The following XIRP2 variants were observed in gnomAD, a reference collection of about 807,000 sequenced individuals.
XIRP2 encodes xin actin binding repeat containing 2.
A neutral mutation model predicts 277.0 loss-of-function variants in XIRP2; 236 were observed. The observed-to-expected ratio is 0.85, with a 90% confidence interval of 0.77 to 0.95. The LOEUF (loss-of-function observed/expected upper bound fraction) is 0.95. Ranked by LOEUF, XIRP2 falls within the 40% of genes least tolerant of loss-of-function variation. The pLI, the probability that XIRP2 is intolerant of heterozygous loss-of-function variation, is 0.00. For missense variants in XIRP2, 4,640 were observed against 4,157.5 expected, an observed-to-expected ratio of 1.12 and a Z score of -3.19; for synonymous variants, 1,490 against 1,416.5, an observed-to-expected ratio of 1.05 and a Z score of -1.17.
chr2:166,975,310 T>C (rs1427596786), intron 2 of XIRP2, among the ~76,000 whole-genome samples: 1 of 152,140 alleles, frequency 6.6e-6, no homozygotes, highest in African/African-American at 2.4e-5. Flanking sequence ...TAATTGACAT[T>C]TGTGGAACAA....
chr2:167,021,210 G>C (rs1224607911), intron 2 of XIRP2, among the ~76,000 whole-genome samples: 1 of 152,028 alleles, frequency 6.6e-6, no homozygotes, highest in Non-Finnish European at 1.5e-5. Context: ...TTTATAGTGT[G>C]ATTACTTATA....
At position 166,947,699 on chromosome 2, in the gene XIRP2, G is replaced by A. The variant is rs186699751; in HGVS notation, c.408+43809G>A. ...AACCACTTTGGAAGGCAGTTTGGTG[G>A]TTTCTTACAAAACTAAACATAATCT... On this transcript the variant is annotated intron_variant, in intron 2 of 10. Transcript: ENST00000409195. Among the ~76,000 whole-genome samples the A allele has an allele frequency of 5.4e-4, 82 of 152,218 alleles. No individual in the cohort carries two copies. In the East Asian group the frequency reaches 8.1e-3, roughly 15 times the overall value.
chr2:167,016,528 CT>C (rs1474373181), intron 2 of XIRP2, among the ~76,000 whole-genome samples: 1 of 151,976 alleles, frequency 6.6e-6, no homozygotes, highest in Non-Finnish European at 1.5e-5. Flanking sequence ...TCATGAACTT[CT>C]GCATAGACAC....
intron 5 of XIRP2, among the ~76,000 whole-genome samples, chr2:167,234,944 A>C (rs1463605944): frequency 6.6e-6 from 1 of 151,936 alleles, no homozygotes; most frequent in Non-Finnish European, 1.5e-5. Context: ...CCATTAACTC[A>C]GTGAATAACA....
intron 5 of XIRP2, among the ~76,000 whole-genome samples, chr2:167,236,859 A>G (rs1694914403): frequency 6.6e-6 from 1 of 152,156 alleles, no homozygotes; most frequent in South Asian, 2.1e-4. Context: ...CTGCCTGAGC[A>G]TTACGATGAT....
At chr2:167,007,703 T>TCTCA (rs1389098863) in intron 2 of XIRP2, among the ~76,000 whole-genome samples, 191 of 130,152 alleles carry the variant, frequency 1.5e-3, no homozygotes, top group East Asian at 3.8e-3. Context: ...TCTCTCTCTC[T>TCTCA]CACACACACA....
chr2:167,102,248 A>G (rs1690505520), intron 2 of XIRP2, among the ~76,000 whole-genome samples: 1 of 152,216 alleles, frequency 6.6e-6, no homozygotes. Flanking sequence ...CAGGAGGCGC[A>G]TTTCAAAGGG....
intron 2 of XIRP2, among the ~76,000 whole-genome samples, chr2:167,110,449 T>A (rs952836452): frequency 3.9e-5 from 6 of 152,232 alleles, no homozygotes; most frequent in Non-Finnish European, 8.8e-5. Flanking sequence ...TGCTTGTTTT[T>A]GTCAGCTTTG....
intron 2 of XIRP2, among the ~76,000 whole-genome samples, chr2:167,084,079 G>C (rs1457075682): frequency 6.6e-6 from 1 of 152,054 alleles, no homozygotes; most frequent in Non-Finnish European, 1.5e-5. Context: ...CTGTGGGTTT[G>C]TCATAGATAG....
intron 3 of XIRP2, among the ~76,000 whole-genome samples, chr2:167,146,685 C>T (rs1691873778): frequency 6.6e-6 from 1 of 152,050 alleles, no homozygotes; most frequent in South Asian, 2.1e-4. Context: ...TTCAAAGACA[C>T]ATGACTAAAC....
chr2:167,019,453 G>T (rs999308076), intron 2 of XIRP2, among the ~76,000 whole-genome samples: 4 of 152,004 alleles, frequency 2.6e-5, no homozygotes, highest in Non-Finnish European at 4.4e-5. Context: ...TATGAATATA[G>T]AAGGGCTTGA....
chr2:167,011,718 G>A (rs1341477047), intron 2 of XIRP2, among the ~76,000 whole-genome samples: 3 of 151,436 alleles, frequency 2.0e-5, no homozygotes, highest in African/African-American at 7.3e-5. Context: ...CTTTTTGGTT[G>A]GTAAGCTATT....
intron 2 of XIRP2, among the ~76,000 whole-genome samples, chr2:167,037,772 G>C (rs1348531210): frequency 6.6e-6 from 1 of 151,782 alleles, no homozygotes; most frequent in African/African-American, 2.4e-5. Flanking sequence ...GAATACAAGA[G>C]TCTATGTAAA....
chr2:167,082,639 C>T (rs370187060), intron 2 of XIRP2, among the ~76,000 whole-genome samples: 19 of 152,240 alleles, frequency 1.2e-4, no homozygotes, highest in African/African-American at 3.9e-4. Flanking sequence ...ATTGCCATTC[C>T]AACTGGTGTG....
chr2:167,035,111 CCT>C (rs2105510972), intron 2 of XIRP2, among the ~76,000 whole-genome samples: 1 of 152,302 alleles, frequency 6.6e-6, no homozygotes, highest in East Asian at 1.9e-4. Context: ...TCCAATTAAA[CCT>C]CTTTTTTCTT....
At chr2:166,955,372 G>C (rs946036116) in intron 2 of XIRP2, among the ~76,000 whole-genome samples, 1 of 151,800 alleles carries the variant, frequency 6.6e-6, no homozygotes, top group African/African-American at 2.4e-5. Context: ...CAGATCTATA[G>C]AGACAGAAAG....
intron 2 of XIRP2, among the ~76,000 whole-genome samples, chr2:167,076,168 A>AT (rs1315629839): frequency 3.3e-5 from 5 of 152,194 alleles, no homozygotes; most frequent in South Asian, 2.1e-4. Flanking sequence ...TCTAGCTTCT[A>AT]TTTTTTTCTA....
intron 3 of XIRP2, among the ~76,000 whole-genome samples, chr2:167,204,824 G>C (rs541187160): frequency 6.6e-6 from 1 of 151,420 alleles, no homozygotes; most frequent in Admixed American, 6.6e-5. Context: ...TTTTTACTTT[G>C]AATTTTTATG....
intron 2 of XIRP2, among the ~76,000 whole-genome samples, chr2:167,055,705 A>C (rs1299125359): frequency 6.6e-6 from 1 of 152,190 alleles, no homozygotes; most frequent in African/African-American, 2.4e-5. Context: ...TATGAAAGAA[A>C]TGTATTAGAA....
Sources: allele counts gnomAD v4.1 joint callset (sites outside exome capture counted in the v4.1 genomes callset), GRCh38; gene constraint gnomAD v4.1.1; transcripts MANE v1.5; gene names NCBI Gene and HGNC (gene_info 2026-07-23, HGNC 2026-07-21).